ASIC2: variants seen among roughly 807,000 people sequenced by gnomAD.
ASIC2 encodes the protein acid-sensing ion channel 2.
A neutral mutation model predicts 57.3 loss-of-function variants in ASIC2; 25 were observed. The ratio of observed to expected loss-of-function variants is 0.44; its 90% confidence interval spans 0.32 to 0.61. The LOEUF is 0.61. Ranked by LOEUF, ASIC2 falls within the 20% of genes least tolerant of loss-of-function variation. The pLI, the probability that ASIC2 is intolerant of heterozygous loss-of-function variation, is 0.06. For synonymous variants in ASIC2, 319 were observed against 307.5 expected, an observed-to-expected ratio of 1.04 and a Z score of -0.39; for missense variants, 641 against 738.1, an observed-to-expected ratio of 0.87 and a Z score of 1.52.
At chr17:33,446,511 A>G (rs548958342) in intron 1 of ASIC2, among the ~76,000 whole-genome samples, 1 of 152,168 alleles carries the variant, frequency 6.6e-6, no homozygotes, top group East Asian at 1.9e-4. Context: ...TACCACGCTG[A>G]AAGCATCTGT....
At chr17:33,735,789 C>G (rs1909893965) in intron 1 of ASIC2, among the ~76,000 whole-genome samples, 1 of 152,096 alleles carries the variant, frequency 6.6e-6, no homozygotes, top group Admixed American at 6.5e-5. Context: ...AAGGGTCTCC[C>G]TCCCTTCTAA....
At chr17:33,911,011 G>A (rs116847944) in intron 1 of ASIC2, among the ~76,000 whole-genome samples, 2,997 of 152,278 alleles carry the variant, frequency 0.02, 40 homozygotes, top group Middle Eastern at 0.041. Flanking sequence ...AAATGTCTTG[G>A]CTTCCTCGGT....
chr17:33,077,482 T>C (rs2092093665), intron 3 of ASIC2, among the ~76,000 whole-genome samples: 1 of 152,164 alleles, frequency 6.6e-6, no homozygotes, highest in Non-Finnish European at 1.5e-5. Context: ...CTTACGTTAT[T>C]AGGTAAAGTT....
intron 1 of ASIC2, among the ~76,000 whole-genome samples, chr17:33,571,742 A>C (rs111768599): frequency 6.6e-6 from 1 of 152,332 alleles, no homozygotes; most frequent in African/African-American, 2.4e-5. Context: ...GAACATCTGG[A>C]AAGACAAGAG....
chr17:33,301,196 ATTT>A (rs779633855), intron 1 of ASIC2, among the ~76,000 whole-genome samples: 1 of 141,114 alleles, frequency 7.1e-6, no homozygotes, highest in African/African-American at 2.6e-5. Context: ...TGCCTGGCTA[ATTT>A]TTTTTTTTTT....
intron 1 of ASIC2, among the ~76,000 whole-genome samples, chr17:33,338,793 C>A (rs941078533): frequency 1.1e-4 from 17 of 151,988 alleles, no homozygotes; most frequent in Non-Finnish European, 1.9e-4. Flanking sequence ...TATAGATGAA[C>A]CTTAAGAACA....
intron 1 of ASIC2, among the ~76,000 whole-genome samples, chr17:33,329,918 G>T (rs570523293): frequency 5.9e-5 from 9 of 152,190 alleles, no homozygotes; most frequent in African/African-American, 1.9e-4. Flanking sequence ...AACCTACTTG[G>T]GGCAAGAGGG....
intron 1 of ASIC2, among the ~76,000 whole-genome samples, chr17:33,731,907 T>G (rs541711597): frequency 2.0e-5 from 3 of 152,176 alleles, no homozygotes; most frequent in African/African-American, 7.2e-5. Flanking sequence ...GGGGAGCTGT[T>G]GTGATATGTG....
At chr17:33,391,284 C>CT (rs1909879662) in intron 1 of ASIC2, among the ~76,000 whole-genome samples, 1 of 152,212 alleles carries the variant, frequency 6.6e-6, no homozygotes, top group African/African-American at 2.4e-5. Context: ...CTTCATCCTT[C>CT]TACTCTCTCC....
chr17:33,412,059 C>CAAA (rs72204169), intron 1 of ASIC2, among the ~76,000 whole-genome samples: 13,672 of 151,564 alleles, frequency 0.09, 728 homozygotes, highest in Non-Finnish European at 0.12. Flanking sequence ...ACCAAAAACA[C>CAAA]ACAAAAAACA....
chr17:33,940,037 C>T (rs1180114548), intron 1 of ASIC2, among the ~76,000 whole-genome samples: 6 of 152,304 alleles, frequency 3.9e-5, no homozygotes, highest in African/African-American at 7.2e-5. Context: ...GCCTACCCTG[C>T]GTACTCATGC....
intron 1 of ASIC2, among the ~76,000 whole-genome samples, chr17:33,668,272 CTTTTTTTTTT>C (rs397856474): frequency 8.8e-4 from 54 of 61,414 alleles, no homozygotes; most frequent in Non-Finnish European, 1.6e-3. Flanking sequence ...ATCAAATGTT[CTTTTTTTTTT>C]TTTTTTTTTT....
intron 1 of ASIC2, among the ~76,000 whole-genome samples, chr17:33,885,406 T>G (rs975679663): frequency 3.3e-5 from 5 of 152,222 alleles, no homozygotes; most frequent in Non-Finnish European, 5.9e-5. Context: ...GATCAGGTGT[T>G]ACCATCTACC....
intron 1 of ASIC2, among the ~76,000 whole-genome samples, chr17:33,476,599 T>C (rs1437543268): frequency 1.4e-5 from 2 of 147,606 alleles, no homozygotes; most frequent in Admixed American, 1.4e-4. Flanking sequence ...TGAGCACCAA[T>C]GGAAGAGAGC....
At chr17:33,706,576 A>G (rs1311569952) in intron 1 of ASIC2, among the ~76,000 whole-genome samples, 1 of 152,034 alleles carries the variant, frequency 6.6e-6, no homozygotes, top group East Asian at 1.9e-4. Context: ...GTACCATAGC[A>G]GTTCTGTGTG....
At chr17:33,291,346 G>C in intron 1 of ASIC2, 62 bp downstream of exon 1, 1 of 1,528,966 alleles carries the variant, frequency 6.5e-7, no homozygotes, top group East Asian at 2.3e-5. Flanking sequence ...CGGAACACCA[G>C]GCCTCCTGAC....
chr17:33,610,358 T>C (rs543348989), intron 1 of ASIC2, among the ~76,000 whole-genome samples: 76 of 152,228 alleles, frequency 5.0e-4, no homozygotes, highest in African/African-American at 1.2e-3. Context: ...GGTTTCACCG[T>C]GTTGGCCAGG....
intron 1 of ASIC2, among the ~76,000 whole-genome samples, chr17:33,325,982 C>A (rs1242640595): frequency 1.3e-5 from 2 of 152,108 alleles, no homozygotes; most frequent in Non-Finnish European, 2.9e-5. Flanking sequence ...ATTATAAATT[C>A]TGTTTTATCC....
chr17:33,610,999 GGACCAGCA>G (rs1397292619), intron 1 of ASIC2, among the ~76,000 whole-genome samples: 1 of 152,192 alleles, frequency 6.6e-6, no homozygotes, highest in Non-Finnish European at 1.5e-5. Context: ...GGAATCTGGT[GGACCAGCA>G]GACTGATTTC....
Sources: allele counts gnomAD v4.1 joint callset (sites outside exome capture counted in the v4.1 genomes callset), GRCh38; gene constraint gnomAD v4.1.1; transcripts MANE v1.5; gene names NCBI Gene and HGNC (gene_info 2026-07-23, HGNC 2026-07-21).